FKBP1A: variants seen among roughly 807,000 people sequenced by gnomAD.
The protein encoded by FKBP1A is peptidyl-prolyl cis-trans isomerase FKBP1A.
Under a neutral mutation model 14.2 loss-of-function variants are expected in FKBP1A, and 5 were observed. That is an observed-to-expected ratio of 0.35 (90% CI 0.18 to 0.74). The LOEUF (loss-of-function observed/expected upper bound fraction) is 0.74. Ranked by LOEUF, FKBP1A falls within the 30% of genes least tolerant of loss-of-function variation. The pLI, the probability that FKBP1A is intolerant of heterozygous loss-of-function variation, is 0.56. For missense variants in FKBP1A, 53 were observed against 138.8 expected (o/e 0.38, Z 3.10); for synonymous variants, 42 against 49.1 (o/e 0.86, Z 0.60).
At chr20:1,387,261 G>T (rs1255054245) in intron 2 of FKBP1A, among the ~76,000 whole-genome samples, 2 of 152,120 alleles carry the variant, frequency 1.3e-5, no homozygotes, top group Non-Finnish European at 2.9e-5. Context: ...AGGAACCAGA[G>T]CTCTTTGAAA....
chr20:1,379,258 A>G lies in FKBP1A; in HGVS notation c.86-3655T>C, dbSNP rs1031017076. Among the ~76,000 whole-genome samples, 4 of 152,194 alleles carry G rather than the reference A, an allele frequency of 2.6e-5. No individual in the cohort carries two copies. The highest frequency in any genetic ancestry group is 2.6e-4 in the Admixed American group (4 of 15,280). On this transcript the variant is annotated intron_variant, in intron 2 of 4. Coordinates refer to ENST00000400137, the MANE Select transcript of FKBP1A (RefSeq NM_000801.5). The surrounding 1 kb of genome is among the most constrained non-coding windows in gnomAD (Gnocchi z 4.3). ...GCAACCTCCAGACACTACATGCATC[A>G]ATGTATCAATGTTGCTTTGCCTGAG... is the stretch of plus-strand genomic sequence containing the variant.
At chr20:1,382,238 C>T (rs768222984) in intron 2 of FKBP1A, among the ~76,000 whole-genome samples, 3 of 152,134 alleles carry the variant, frequency 2.0e-5, no homozygotes, top group Non-Finnish European at 4.4e-5. Context: ...ACAGTGAAAC[C>T]ACCTGCCAAG....
chr20:1,375,405 T>C, intron 3 of FKBP1A, 86 bp downstream of exon 3: 2 of 965,792 alleles, frequency 2.1e-6, no homozygotes, highest in East Asian at 5.1e-5. Flanking sequence ...ACTTTTTTTA[T>C]TTTTGAACCG....
At chr20:1,378,779 G>A (rs559804281) in intron 2 of FKBP1A, 3 of 152,318 alleles carry the variant, frequency 2.0e-5, no homozygotes, top group Middle Eastern at 3.4e-3. Context: ...CACAACTGGC[G>A]TGAGGTAAAC....
chr20:1,392,274 A>G (rs1204240842), intron 2 of FKBP1A, among the ~76,000 whole-genome samples: 5 of 152,324 alleles, frequency 3.3e-5, no homozygotes, highest in Non-Finnish European at 7.4e-5. Context: ...GAAGGGCCAA[A>G]GCAATGACTT....
chr20:1,392,898 G>C lies in FKBP1A; in HGVS notation c.38-17C>G, dbSNP rs199880903. Reference sequence around the variant, plus strand: ...AGGTGCGCCCTGAGGAGACAGAGACGGGCATGCTGAGCCGATGCGCGCGGC... The same window carrying C: ...AGGTGCGCCCTGAGGAGACAGAGACCGGCATGCTGAGCCGATGCGCGCGGC... On this transcript the variant is annotated splice_polypyrimidine_tract_variant and intron_variant, in intron 1 of 4. Transcript: ENST00000400137. 388 of 1,536,418 alleles carry C rather than the reference G, an allele frequency of 2.5e-4. 3 individuals are homozygous for C. The African/African-American group carries it at 4.2e-3, about 17-fold the overall frequency.
At position 1,370,078 on chromosome 20, in the gene FKBP1A, G is replaced by A. The variant is rs2089442818; in HGVS notation, c.*37-6C>T. 2 of 1,547,774 alleles carry A rather than the reference G, an allele frequency of 1.3e-6. No homozygotes were observed. Among genetic ancestry groups the A allele is most frequent in the African/African-American group, 1.4e-5 (1 of 73,026 alleles). On this transcript the variant is annotated splice_polypyrimidine_tract_variant and splice_region_variant and intron_variant, in intron 4 of 4. Transcript: ENST00000400137. The stretch of plus-strand genomic sequence containing the variant: ...CAGATCCCTCCATGGCAGATCTGTT[G>A]GGGACAGAAAATCTGTGAGTTTCCA...
chr20:1,369,901 C>T lies in FKBP1A; in HGVS notation c.*208G>A, dbSNP rs1300303227. 5.1e-6 allele frequency: 5 copies of T among 972,396 alleles called. No individual in the cohort carries two copies. The highest frequency in any genetic ancestry group is 7.5e-6 in the Non-Finnish European group (5 of 666,036). The allele number at this position is 972,396 out of a possible 1,614,324, so 60.2% of individuals were successfully genotyped here. On this transcript the variant is annotated 3_prime_UTR_variant, in exon 5 of 5. Transcript: ENST00000400137. Reference sequence around the variant, plus strand: ...TTATGGCATATAGTTTAGGTAAACACACATACGAGGAGAAAGGGGAAGAGG... The same window carrying T: ...TTATGGCATATAGTTTAGGTAAACATACATACGAGGAGAAAGGGGAAGAGG...
At chr20:1,388,716 T>A (rs1019557868) in intron 2 of FKBP1A, among the ~76,000 whole-genome samples, 1 of 146,378 alleles carries the variant, frequency 6.8e-6, no homozygotes, top group Non-Finnish European at 1.5e-5. Flanking sequence ...AAAAGCCCAT[T>A]GTCCACACAG....
intron 2 of FKBP1A, among the ~76,000 whole-genome samples, chr20:1,388,938 G>A (rs2089700336): frequency 6.6e-6 from 1 of 152,168 alleles, no homozygotes; most frequent in South Asian, 2.1e-4. Context: ...AATGCACCGA[G>A]CAGGCTCCAG....
intron 3 of FKBP1A, chr20:1,374,379 A>T (rs2089509575): frequency 6.6e-6 from 1 of 152,226 alleles, no homozygotes; most frequent in Admixed American, 6.5e-5. Flanking sequence ...AAACGAAATG[A>T]CTTTCTCCAT....
chr20:1,371,866 A>G, intron 4 of FKBP1A: 2 of 1,284,060 alleles, frequency 1.6e-6, no homozygotes, highest in Non-Finnish European at 2.0e-6. Flanking sequence ...AACTGGGAAC[A>G]TACACATGCC....
chr20:1,379,240 C>T lies in FKBP1A; in HGVS notation c.86-3637G>A, dbSNP rs1321470727. On this transcript the variant is annotated intron_variant, in intron 2 of 4. Coordinates refer to ENST00000400137, the MANE Select transcript of FKBP1A (RefSeq NM_000801.5). The surrounding 1 kb of genome is among the most constrained non-coding windows in gnomAD (Gnocchi z 4.3). ...GATCAAATGCAATGCCAAGCAACCTCCAGACACTACATGCATCAATGTATC... is the reference window on the plus strand; with the variant it reads ...GATCAAATGCAATGCCAAGCAACCTTCAGACACTACATGCATCAATGTATC... 6.6e-6 allele frequency among the ~76,000 whole-genome samples: 1 copy of T among 152,210 alleles called. No individual in the cohort carries two copies. Among genetic ancestry groups the T allele is most frequent in the Non-Finnish European group, 1.5e-5 (1 of 68,044 alleles).
Position 1,392,976 on chromosome 20 carries a change from A to G in FKBP1A, c.23T>C (p.Ile8Thr). ...CCACTACTCACCGTCTCCTGGGGAG[A>G]TGGTTTCCACCTGCACTCCCATGGC... MGVQVET[I>T]SPGDGRTFPK... Residue 8 changes from isoleucine (I) to threonine (T), a missense_variant, in exon 1 of 5, where the codon ATC (isoleucine) becomes ACC (threonine). Coordinates refer to ENST00000400137, the MANE Select transcript of FKBP1A (RefSeq NM_000801.5). 6.7e-7 allele frequency: 1 copy of G among 1,495,886 alleles called. No homozygotes were observed. The allele number at this position is 1,495,886 out of a possible 1,614,324, so 92.7% of individuals were successfully genotyped here. A position where few individuals can be genotyped will look rare whatever the true frequency, so the allele number is the denominator to read the frequency against.
chr20:1,388,956 G>C (rs2089700611), intron 2 of FKBP1A, among the ~76,000 whole-genome samples: 2 of 152,132 alleles, frequency 1.3e-5, no homozygotes, highest in African/African-American at 2.4e-5. Context: ...CAGCCTCAGG[G>C]TCCTGCACTA....
intron 3 of FKBP1A, 105 bp from the exon 4 acceptor site, chr20:1,372,345 G>T: frequency 2.4e-6 from 3 of 1,258,186 alleles, no homozygotes; most frequent in Non-Finnish European, 3.4e-6. Context: ...GGATGGTATT[G>T]ACTTTCCAGT....
intron 2 of FKBP1A, among the ~76,000 whole-genome samples, chr20:1,382,600 T>C (rs1270591127): frequency 2.0e-5 from 3 of 152,336 alleles, no homozygotes; most frequent in East Asian, 3.9e-4. Context: ...TTTACTTGCA[T>C]GATTTTTAAG....
intron 2 of FKBP1A, among the ~76,000 whole-genome samples, chr20:1,390,373 C>T (rs1020784030): frequency 2.8e-3 from 43 of 15,544 alleles, no homozygotes; most frequent in Admixed American, 3.7e-3. Flanking sequence ...GGAGGGGGGA[C>T]GGGGGAGCAT....
intron 2 of FKBP1A, chr20:1,376,813 A>C (rs1166005066): frequency 1.3e-5 from 2 of 152,098 alleles, no homozygotes; most frequent in Non-Finnish European, 2.9e-5. Flanking sequence ...CAGAAGCTGG[A>C]CAAGCCACGA....
Sources: gnomAD v4.1 joint callset for allele counts (sites outside exome capture counted in the v4.1 genomes callset) on GRCh38, gnomAD v4.1.1 for gene constraint, Gnocchi (gnomAD v3.1) non-coding constraint, MANE v1.5 for transcripts, NCBI Gene and HGNC (gene_info 2026-07-23, HGNC 2026-07-21) for gene names.